MAGI2: variants seen among roughly 807,000 people sequenced by gnomAD.
The protein encoded by MAGI2 is membrane-associated guanylate kinase, WW and PDZ domain-containing protein 2.
MAGI2 carries 35 observed loss-of-function variants against 133.3 expected under a neutral mutation model. The observed-to-expected ratio is 0.26, with a 90% confidence interval of 0.20 to 0.35. MAGI2 has a LOEUF of 0.35. Among genes scored for constraint, MAGI2 ranks in the 10% least tolerant of loss-of-function variants. The pLI is 1.00. For missense variants in MAGI2, 1,636 were observed against 1,863.4 expected, an observed-to-expected ratio of 0.88 and a Z score of 2.25; for synonymous variants, 729 against 710.6, an observed-to-expected ratio of 1.03 and a Z score of -0.41.
At chr7:78,214,297 G>A (rs905338709) in intron 10 of MAGI2, among the ~76,000 whole-genome samples, 2 of 152,132 alleles carry the variant, frequency 1.3e-5, no homozygotes, top group East Asian at 3.9e-4. Context: ...CTTGTTTTCT[G>A]TAGTAAATCT....
chr7:79,433,980 A>G (rs532172651), intron 1 of MAGI2, among the ~76,000 whole-genome samples: 3 of 152,308 alleles, frequency 2.0e-5, no homozygotes, highest in African/African-American at 7.2e-5. Context: ...AGAATAGCAC[A>G]TGAATTCCAT....
At chr7:79,386,264 C>A (rs1425721338) in intron 1 of MAGI2, among the ~76,000 whole-genome samples, 1 of 151,986 alleles carries the variant, frequency 6.6e-6, no homozygotes, top group Non-Finnish European at 1.5e-5. Flanking sequence ...CATAGATATG[C>A]ATTTAACAAA....
At chr7:78,717,451 T>C (rs1819829659) in intron 2 of MAGI2, among the ~76,000 whole-genome samples, 1 of 152,178 alleles carries the variant, frequency 6.6e-6, no homozygotes, top group Non-Finnish European at 1.5e-5. Flanking sequence ...GACCTTACTA[T>C]GGTGAAAATC....
chr7:78,463,511 C>A (rs959056084), intron 6 of MAGI2, among the ~76,000 whole-genome samples: 1 of 152,124 alleles, frequency 6.6e-6, no homozygotes, highest in Non-Finnish European at 1.5e-5. Flanking sequence ...AGCACAGCAG[C>A]CTTTGTGGAG....
intron 1 of MAGI2, among the ~76,000 whole-genome samples, chr7:79,203,655 T>G (rs532419194): frequency 6.6e-6 from 1 of 152,154 alleles, no homozygotes; most frequent in South Asian, 2.1e-4. Flanking sequence ...CGTTTATATA[T>G]ATTGACTTGC....
At chr7:78,217,308 C>T (rs1450835131) in intron 10 of MAGI2, among the ~76,000 whole-genome samples, 2 of 152,162 alleles carry the variant, frequency 1.3e-5, no homozygotes, top group Non-Finnish European at 2.9e-5. Flanking sequence ...ACTTTTCTCT[C>T]CCCTATGGGT....
Position 78,738,853 on chromosome 7 carries a change from A to G in MAGI2, c.419-111614T>C, listed in dbSNP as rs546458442. On this transcript the variant is annotated intron_variant, in intron 2 of 21. Coordinates refer to ENST00000354212, the MANE Select transcript of MAGI2 (RefSeq NM_012301.4). ...TGAAGAAATCTGTAGCATGGCAGCC[A>G]AAGTGAGTAAATAAGAAAGAAGAAA... 3.3e-4 allele frequency among the ~76,000 whole-genome samples: 50 copies of G among 152,362 alleles called. 1 individual carries two copies. Among genetic ancestry groups the G allele is most frequent in the African/African-American group, 1.0e-3 (43 of 41,594 alleles).
At chr7:78,446,664 C>T (rs180761730) in intron 6 of MAGI2, among the ~76,000 whole-genome samples, 8 of 152,000 alleles carry the variant, frequency 5.3e-5, no homozygotes, top group Non-Finnish European at 8.8e-5. Flanking sequence ...CAAAGTGGGG[C>T]AAACCAGAGA....
At chr7:79,083,548 T>C (rs1816236844) in intron 1 of MAGI2, among the ~76,000 whole-genome samples, 1 of 151,776 alleles carries the variant, frequency 6.6e-6, no homozygotes, top group African/African-American at 2.4e-5. Flanking sequence ...TCATGATGCT[T>C]TTTATATGTT....
intron 21 of MAGI2, among the ~76,000 whole-genome samples, chr7:78,029,983 T>C (rs757772959): frequency 5.3e-5 from 8 of 152,216 alleles, no homozygotes; most frequent in Admixed American, 3.9e-4. Flanking sequence ...CAGCTGACTG[T>C]TCACAGTCCT....
Position 79,218,283 on chromosome 7 carries a change from C to A in MAGI2, c.302-211077G>T, listed in dbSNP as rs117561699. ...CCAGTGTGCTATCTCCAACTAGTGACTTTTTCCTAGTACCAAGCAGAGCAC... is the reference window on the plus strand; with the variant it reads ...CCAGTGTGCTATCTCCAACTAGTGAATTTTTCCTAGTACCAAGCAGAGCAC... On this transcript the variant is annotated intron_variant, in intron 1 of 21. Transcript: ENST00000354212. Among the ~76,000 whole-genome samples the A allele has an allele frequency of 1.2e-4, 18 of 152,070 alleles. No individual in the cohort carries two copies. The East Asian group carries it at 3.5e-3, about 29-fold the overall frequency.
chr7:78,489,691 A>G, intron 6 of MAGI2, 70 bp downstream of exon 6: 1 of 1,108,544 alleles, frequency 9.0e-7, no homozygotes, highest in South Asian at 1.3e-5. Context: ...TTCAGGTGAG[A>G]CTCTCATTTA....
At position 78,578,818 on chromosome 7, in the gene MAGI2, C is replaced by T. The variant is rs150311664; in HGVS notation, c.538+48302G>A. Among the ~76,000 whole-genome samples, 824 of 152,292 alleles carry T rather than the reference C, an allele frequency of 5.4e-3. 6 individuals carry two copies. The highest frequency in any genetic ancestry group is 0.019 in the African/African-American group (780 of 41,554). ...CAGTGGAGGCCAGGGCATTATCCCT[C>T]GGGGTTGACCTGATGCCTGAACAAA... On this transcript the variant is annotated intron_variant, in intron 3 of 21. Transcript: ENST00000354212.
chr7:78,642,298 T>C (rs1378554713), intron 2 of MAGI2, among the ~76,000 whole-genome samples: 1 of 152,210 alleles, frequency 6.6e-6, no homozygotes, highest in African/African-American at 2.4e-5. Context: ...ACAATATGCA[T>C]ATACACATAG....
chr7:78,689,058 T>C (rs1290228653), intron 2 of MAGI2, among the ~76,000 whole-genome samples: 2 of 152,178 alleles, frequency 1.3e-5, no homozygotes, highest in Non-Finnish European at 2.9e-5. Context: ...TCTAGAAATA[T>C]CTTTGGAATT....
At chr7:79,263,692 A>C (rs1385320070) in intron 1 of MAGI2, among the ~76,000 whole-genome samples, 1 of 152,170 alleles carries the variant, frequency 6.6e-6, no homozygotes, top group African/African-American at 2.4e-5. Flanking sequence ...CAAAATGACA[A>C]ATATATTGAA....
intron 2 of MAGI2, among the ~76,000 whole-genome samples, chr7:79,005,101 AG>A (rs1807307062): frequency 6.6e-6 from 1 of 151,750 alleles, no homozygotes; most frequent in African/African-American, 2.4e-5. Context: ...AAAAAAAAAA[AG>A]ATATACTGAG....
At chr7:78,618,231 C>T (rs1807319612) in intron 3 of MAGI2, 1 of 151,938 alleles carries the variant, frequency 6.6e-6, no homozygotes, top group African/African-American at 2.4e-5. Context: ...GAAACATGGA[C>T]TCTTAAGTTA....
intron 1 of MAGI2, among the ~76,000 whole-genome samples, chr7:79,250,066 A>G (rs1277320004): frequency 2.0e-5 from 3 of 152,170 alleles, no homozygotes; most frequent in East Asian, 3.8e-4. Flanking sequence ...ATGATAAAAA[A>G]GCATTTAGTA....
Sources: allele counts gnomAD v4.1 joint callset (sites outside exome capture counted in the v4.1 genomes callset), GRCh38; gene constraint gnomAD v4.1.1; transcripts MANE v1.5; gene names NCBI Gene and HGNC (gene_info 2026-07-23, HGNC 2026-07-21).